Variants in USP3 observed in about 807,000 individuals in gnomAD.
USP3 encodes the protein ubiquitin specific peptidase 3.
In USP3, 20 loss-of-function variants were observed where a neutral mutation model predicts 72.3. That is an observed-to-expected ratio of 0.28 (90% confidence interval 0.19 to 0.40). The LOEUF (loss-of-function observed/expected upper bound fraction) is 0.40. USP3 is among the 10% of genes least tolerant of loss of function. The pLI is 1.00. For synonymous variants in USP3, 222 were observed against 225.3 expected (o/e 0.99, Z 0.13); for missense variants, 479 against 633.9 (o/e 0.76, Z 2.62).
chr15:63,516,781 G>T (rs2065855742), intron 1 of USP3, among the ~76,000 whole-genome samples: 1 of 151,280 alleles, frequency 6.6e-6, no homozygotes, highest in Non-Finnish European at 1.5e-5. Context: ...CTGGGCATGG[G>T]TAGTTTTTTT....
intron 11 of USP3, among the ~76,000 whole-genome samples, chr15:63,585,869 C>T (rs2067050400): frequency 8.7e-6 from 1 of 114,594 alleles, no homozygotes. Flanking sequence ...ATTTGCTATT[C>T]TTGGTCTTTT....
chr15:63,534,973 C>A (rs2066134642), intron 2 of USP3, among the ~76,000 whole-genome samples: 2 of 151,700 alleles, frequency 1.3e-5, no homozygotes, highest in South Asian at 4.2e-4. Context: ...ACTCTGTCAC[C>A]CAGGCTGCAG....
At position 63,576,062 on chromosome 15, in the gene USP3, C is replaced by T. The variant is rs549236468; in HGVS notation, c.1096+1659C>T. On this transcript the variant is annotated intron_variant, in intron 11 of 14. Transcript: ENST00000380324. The stretch of plus-strand genomic sequence containing the variant: ...AGTGCAGTGGCGCGATCTTGGCTCA[C>T]TGTAACCTCCGCCTCCCAGGTTCAA... 6.7e-5 allele frequency among the ~76,000 whole-genome samples: 10 copies of T among 149,824 alleles called. No individual in the cohort carries two copies. In the South Asian group the frequency reaches 1.9e-3, roughly 28 times the overall value.
chr15:63,585,482 T>C (rs2067040247), intron 11 of USP3, among the ~76,000 whole-genome samples: 3 of 152,216 alleles, frequency 2.0e-5, no homozygotes, highest in East Asian at 1.9e-4. Context: ...AATGGAATTA[T>C]GTTAATTTCG....
In USP3 at chr15:63,544,782, G is replaced by A. The variant is rs2152665487; in HGVS notation, c.284+7626G>A. ...AAGCTTAACTCTAAAACTAGAGCAG[G>A]TAACACTGAAGTGAAAGGGAAGATT... On this transcript the variant is annotated intron_variant, in intron 3 of 14. Coordinates refer to ENST00000380324, the MANE Select transcript of USP3 (RefSeq NM_006537.4). This position sits in a 1 kb window ranked among gnomAD's most constrained non-coding sequence, Gnocchi z 4.2. The A allele has an allele frequency of 2.9e-6, 2 of 699,134 alleles. No individual in the cohort carries two copies. The highest frequency in any genetic ancestry group is 2.7e-5 in the East Asian group (1 of 37,098). 43.3% of individuals were successfully genotyped at this position (699,134 alleles called of 1,614,324 possible). A position where few individuals can be genotyped will look rare whatever the true frequency, so the allele number is the denominator to read the frequency against.
chr15:63,589,011 G>A lies in USP3; in HGVS notation c.1397G>A (p.Gly466Glu). Residue 466 changes from glycine (G) to glutamate (E), a missense_variant and splice_region_variant, in exon 14 of 15, where the codon GGG (glycine) becomes GAG (glutamate). By Grantham distance (98) the Gly-to-Glu change is moderately conservative (BLOSUM62 -2). Coordinates refer to ENST00000380324, the MANE Select transcript of USP3 (RefSeq NM_006537.4). ...LAAVVVHHGSGVGSGHYTAYA... is the reference protein window; with the variant it reads ...LAAVVVHHGSEVGSGHYTAYA... ...GCTGTGGTGGTGCACCATGGTTCCG[G>A]GTGAGTACAACAGCCAGCTTCTGGT... 6.2e-7 allele frequency: 1 copy of A among 1,613,222 alleles called. No homozygotes were observed.
In USP3 at chr15:63,571,606, C is replaced by T. The variant is rs1045828163; in HGVS notation, c.908+1027C>T. On this transcript the variant is annotated intron_variant, in intron 9 of 14. Coordinates refer to ENST00000380324, the MANE Select transcript of USP3 (RefSeq NM_006537.4). ...AATTCTGTTTTGTATTTTATCATGG[C>T]ATATTCATCCACAAAGGATATTGAA... Among the ~76,000 whole-genome samples the T allele has an allele frequency of 7.0e-4, 106 of 152,270 alleles. 1 individual carries two copies. The highest frequency in any genetic ancestry group is 2.5e-3 in the African/African-American group (104 of 41,542).
Position 63,532,724 on chromosome 15 carries a change from T to C in USP3, c.152+17T>C, listed in dbSNP as rs377159297. 1.3e-4 allele frequency: 202 copies of C among 1,613,336 alleles called. No individual in the cohort carries two copies. The highest frequency in any genetic ancestry group is 1.6e-4 in the Non-Finnish European group (187 of 1,179,590). ...CTGTGGAAGGTAGGTGACATACTTA[T>C]TACTTCACTGACCTATTTGCTTTTT... is the stretch of plus-strand genomic sequence containing the variant. On this transcript the variant is annotated intron_variant, in intron 2 of 14. Transcript: ENST00000380324.
intron 5 of USP3, 49 bp from the exon 6 acceptor site, chr15:63,558,057 T>G: frequency 6.3e-7 from 1 of 1,596,900 alleles, no homozygotes; most frequent in Non-Finnish European, 8.6e-7. Context: ...TTTGAAACAG[T>G]TGGCCTTCCC....
intron 1 of USP3, among the ~76,000 whole-genome samples, chr15:63,514,034 G>A (rs1354982416): frequency 6.6e-6 from 1 of 152,196 alleles, no homozygotes; most frequent in African/African-American, 2.4e-5. Flanking sequence ...TTAATAGTGA[G>A]ATGCTTTAGC....
chr15:63,544,548 G>C lies in USP3; in HGVS notation c.284+7392G>C. On this transcript the variant is annotated intron_variant, in intron 3 of 14. Coordinates refer to ENST00000380324, the MANE Select transcript of USP3 (RefSeq NM_006537.4). This position sits in a 1 kb window ranked among gnomAD's most constrained non-coding sequence, Gnocchi z 4.2. Reference sequence around the variant, plus strand: ...CAGGAAGGAAACGAGTGTTTCTAAAGTTAGAATTTTTTAAAGGAAGTAAAC... The same window carrying C: ...CAGGAAGGAAACGAGTGTTTCTAAACTTAGAATTTTTTAAAGGAAGTAAAC... 1 of 584,500 alleles carries C rather than the reference G, an allele frequency of 1.7e-6. No individual in the cohort carries two copies. Among genetic ancestry groups the C allele is most frequent in the Non-Finnish European group, 3.0e-6 (1 of 330,906 alleles). 36.2% of individuals were successfully genotyped at this position (584,500 alleles called of 1,614,324 possible).
At chr15:63,526,721 G>A (rs533340149) in intron 1 of USP3, among the ~76,000 whole-genome samples, 2 of 152,142 alleles carry the variant, frequency 1.3e-5, no homozygotes, top group Non-Finnish European at 2.9e-5. Context: ...CAGGGATGAT[G>A]GGAGGCAAGA....
chr15:63,549,519 A>G (rs1394418902), intron 3 of USP3, among the ~76,000 whole-genome samples: 2 of 152,228 alleles, frequency 1.3e-5, no homozygotes, highest in Non-Finnish European at 2.9e-5. Context: ...AGTTTATCCA[A>G]ATCAACAAAG....
rs186383167 is a variant in USP3 at position 63,532,696 on chromosome 15, C to G, written c.141C>G (p.Val47=). The G allele has an allele frequency of 6.2e-7, 1 of 1,613,950 alleles. No individual in the cohort carries two copies. Among genetic ancestry groups the G allele is most frequent in the East Asian group, 2.2e-5 (1 of 44,856 alleles). The change falls in exon 2 of 15, where the codon GTC becomes GTG. Residue 47 remains valine, a synonymous_variant. Coordinates refer to ENST00000380324, the MANE Select transcript of USP3 (RefSeq NM_006537.4). ...GGGTCTGTTTGACTTGTTCAAGTGT[C>G]CACTGTGGAAGGTAGGTGACATACT... The part of the protein sequence containing the change: ...SPWVCLTCSS[V]HCGRYVNGHA...
intron 14 of USP3, 115 bp from the exon 15 acceptor site, chr15:63,590,546 A>T: frequency 9.6e-7 from 1 of 1,043,094 alleles, no homozygotes; most frequent in Non-Finnish European, 1.3e-6. Flanking sequence ...CAAGCATCTT[A>T]AATCAAAAGT....
chr15:63,565,780 G>C (rs910005459), intron 8 of USP3, among the ~76,000 whole-genome samples: 1 of 152,100 alleles, frequency 6.6e-6, no homozygotes, highest in Non-Finnish European at 1.5e-5. Context: ...TCCCCTCCCA[G>C]TGGCTTTATG....
chr15:63,572,261 T>A (rs2066791053), intron 9 of USP3, among the ~76,000 whole-genome samples: 1 of 152,244 alleles, frequency 6.6e-6, no homozygotes, highest in Non-Finnish European at 1.5e-5. Flanking sequence ...AAGGAAGAAC[T>A]ACATTGAGTC....
At chr15:63,511,268 A>AAAAAAAAAAAAAAAAAAAAG (rs1567088370) in intron 1 of USP3, among the ~76,000 whole-genome samples, 5 of 148,400 alleles carry the variant, frequency 3.4e-5, no homozygotes, top group East Asian at 1.9e-4. Flanking sequence ...CTTTTTCTTA[A>AAAAAAAAAAAAAAAAAAAAG]AAAAAAAAAA....
intron 8 of USP3, among the ~76,000 whole-genome samples, chr15:63,568,744 G>A (rs181520787): frequency 4.6e-5 from 7 of 152,324 alleles, no homozygotes; most frequent in Admixed American, 6.5e-5. Context: ...GTAAATGTCT[G>A]TTTAGTAAGA....
Sources: gnomAD v4.1 joint callset for allele counts (sites outside exome capture counted in the v4.1 genomes callset) on GRCh38, gnomAD v4.1.1 for gene constraint, Gnocchi (gnomAD v3.1) non-coding constraint, MANE v1.5 for transcripts, NCBI Gene and HGNC (gene_info 2026-07-23, HGNC 2026-07-21) for gene names.